Variants in SLIT3 observed in about 807,000 individuals in gnomAD.
SLIT3 encodes slit homolog 3 protein.
SLIT3 carries 68 observed loss-of-function variants against 184.0 expected under a neutral mutation model. The ratio of observed to expected loss-of-function variants is 0.37; its 90% CI spans 0.30 to 0.45. SLIT3 has a LOEUF of 0.45. Among genes scored for constraint, SLIT3 ranks in the 20% least tolerant of loss-of-function variants. The pLI, the probability that SLIT3 is intolerant of heterozygous loss-of-function variation, is 1.00. For missense variants in SLIT3, 1,707 were observed against 2,026.0 expected, an observed-to-expected ratio of 0.84 and a Z score of 3.02; for synonymous variants, 831 against 828.6, an observed-to-expected ratio of 1.00 and a Z score of -0.05.
At chr5:169,297,237 T>C (rs539285652) in intron 1 of SLIT3, among the ~76,000 whole-genome samples, 1 of 152,288 alleles carries the variant, frequency 6.6e-6, no homozygotes, top group African/African-American at 2.4e-5. Context: ...GGGGGAAAAA[T>C]TGTCAGTAGT....
chr5:168,854,142 G>A (rs1758773136), intron 5 of SLIT3, among the ~76,000 whole-genome samples: 1 of 152,266 alleles, frequency 6.6e-6, no homozygotes, highest in East Asian at 1.9e-4. Flanking sequence ...AGGAGTCTCG[G>A]GGCTTACCCA....
intron 1 of SLIT3, among the ~76,000 whole-genome samples, chr5:169,268,488 G>C (rs1051021244): frequency 2.0e-5 from 3 of 152,278 alleles, no homozygotes; most frequent in Middle Eastern, 3.4e-3. Flanking sequence ...CCAGATCAAG[G>C]CTCTTCCAAT....
intron 4 of SLIT3, among the ~76,000 whole-genome samples, chr5:169,007,271 C>T (rs1348589203): frequency 3.9e-5 from 6 of 152,186 alleles, no homozygotes; most frequent in Non-Finnish European, 7.3e-5. Context: ...ATGACCCAGT[C>T]TCAGGTATGT....
intron 4 of SLIT3, among the ~76,000 whole-genome samples, chr5:168,974,840 G>A (rs1016129147): frequency 1.3e-5 from 2 of 152,222 alleles, no homozygotes; most frequent in African/African-American, 4.8e-5. Flanking sequence ...GCTGCAGGGG[G>A]TTCAGGAAAT....
intron 3 of SLIT3, among the ~76,000 whole-genome samples, chr5:169,212,447 C>T (rs537959634): frequency 6.8e-6 from 1 of 147,962 alleles, no homozygotes; most frequent in South Asian, 2.2e-4. Context: ...ATATCCTTTG[C>T]CCACTTTTTG....
At chr5:169,161,651 C>CTT (rs527835135) in intron 4 of SLIT3, among the ~76,000 whole-genome samples, 2,391 of 140,686 alleles carry the variant, frequency 0.017, 31 homozygotes, top group African/African-American at 0.033. Flanking sequence ...ATAAAACAGT[C>CTT]TTTTTTTTTT....
At chr5:169,269,759 A>G (rs2113629006) in intron 1 of SLIT3, among the ~76,000 whole-genome samples, 1 of 152,342 alleles carries the variant, frequency 6.6e-6, no homozygotes, top group Non-Finnish European at 1.5e-5. Flanking sequence ...TGCCTCTCCA[A>G]CCAAAACTTC....
chr5:169,054,379 C>T (rs139370285), intron 4 of SLIT3, among the ~76,000 whole-genome samples: 487 of 152,240 alleles, frequency 3.2e-3, no homozygotes, highest in Non-Finnish European at 5.3e-3. Flanking sequence ...CCTGTCCACA[C>T]CTGGATTTTG....
intron 3 of SLIT3, among the ~76,000 whole-genome samples, chr5:169,198,406 T>G (rs1024543793): frequency 6.6e-6 from 1 of 152,164 alleles, no homozygotes; most frequent in Non-Finnish European, 1.5e-5. Context: ...CAGTATGTGC[T>G]CTGTACTCCA....
intron 4 of SLIT3, among the ~76,000 whole-genome samples, chr5:169,071,315 G>A (rs187238648): frequency 6.6e-6 from 1 of 152,288 alleles, no homozygotes; most frequent in Non-Finnish European, 1.5e-5. Context: ...TTTATAAACA[G>A]AAGCAACCAA....
chr5:169,218,815 A>G (rs1281608788), intron 3 of SLIT3, among the ~76,000 whole-genome samples: 3 of 152,236 alleles, frequency 2.0e-5, no homozygotes, highest in Non-Finnish European at 4.4e-5. Flanking sequence ...AGAATGCAGA[A>G]TGCTGGTCCA....
intron 4 of SLIT3, among the ~76,000 whole-genome samples, chr5:169,084,373 C>A (rs1463024132): frequency 6.6e-6 from 1 of 151,598 alleles, no homozygotes; most frequent in Non-Finnish European, 1.5e-5. Context: ...TCACTGCAAC[C>A]TCTGACTCCC....
At chr5:168,793,716 T>A (rs932230776) in intron 10 of SLIT3, among the ~76,000 whole-genome samples, 15 of 151,920 alleles carry the variant, frequency 9.9e-5, no homozygotes, top group African/African-American at 3.1e-4. Context: ...GTAGGAGATA[T>A]AGGTTGGGGC....
intron 10 of SLIT3, chr5:168,790,968 G>C (rs1485467630): frequency 2.0e-5 from 3 of 152,254 alleles, no homozygotes; most frequent in Non-Finnish European, 4.4e-5. Flanking sequence ...CGGCACAGCT[G>C]TCTAGTTTAT....
chr5:168,941,713 G>A (rs1042538149), intron 4 of SLIT3, among the ~76,000 whole-genome samples: 1 of 152,124 alleles, frequency 6.6e-6, no homozygotes, highest in Non-Finnish European at 1.5e-5. Context: ...CATCGAAAGG[G>A]TGCAGAATCT....
In SLIT3 at chr5:168,753,911, C is replaced by G; in HGVS notation, c.1782G>C (p.Glu594Asp). The G allele has an allele frequency of 6.2e-7, 1 of 1,612,280 alleles. No homozygotes were observed. Among genetic ancestry groups the G allele is most frequent in the Non-Finnish European group, 8.5e-7 (1 of 1,180,018 alleles). Residue 594 changes from glutamate (E) to aspartate (D), a missense_variant, in exon 17 of 36, where the codon GAG becomes GAC. Transcript: ENST00000519560. ...CACGGAACACGCGCCCGTGCACGGT[C>G]TCCAGCTGGTTCCCTGTCAGCATCA... ...QELMLTGNQL[E>D]TVHGRVFRGL...
At chr5:168,768,425 C>G (rs1755422663) in intron 14 of SLIT3, among the ~76,000 whole-genome samples, 2 of 11,140 alleles carry the variant, frequency 1.8e-4, no homozygotes, top group Non-Finnish European at 2.7e-4. Context: ...GTGCCCCACC[C>G]CAGGGAGACA....
chr5:168,870,118 G>A (rs1217379462), intron 5 of SLIT3, among the ~76,000 whole-genome samples: 5 of 152,196 alleles, frequency 3.3e-5, no homozygotes, highest in African/African-American at 4.8e-5. Context: ...GCAGTATTGC[G>A]GCAGAGATCT....
In SLIT3 at chr5:169,041,197, A is replaced by G. The variant is rs181712331; in HGVS notation, c.413+152282T>C. ...AACACTTCTTTTGAGACGTGGCCCC[A>G]ACTACTTCACATGGCTCTCTCACTC... On this transcript the variant is annotated intron_variant, in intron 4 of 35. Coordinates refer to ENST00000519560, the MANE Select transcript of SLIT3 (RefSeq NM_003062.4). Among the ~76,000 whole-genome samples the G allele has an allele frequency of 2.0e-4, 30 of 152,322 alleles. No individual in the cohort carries two copies. The East Asian group carries it at 5.4e-3, about 27-fold the overall frequency.
Sources: gnomAD v4.1 joint callset for allele counts (sites outside exome capture counted in the v4.1 genomes callset) on GRCh38, gnomAD v4.1.1 for gene constraint, MANE v1.5 for transcripts, NCBI Gene and HGNC (gene_info 2026-07-23, HGNC 2026-07-21) for gene names.